Variants in NEK1 observed in about 807,000 individuals in gnomAD.
NEK1 encodes NIMA related kinase 1, also known as serine/threonine-protein kinase Nek1.
A neutral mutation model predicts 182.1 loss-of-function variants in NEK1; 137 were observed. That is an observed-to-expected ratio of 0.75 (90% CI 0.65 to 0.87). The LOEUF is 0.87. Ranked by LOEUF, NEK1 falls within the 40% of genes least tolerant of loss-of-function variation. The pLI, the probability that NEK1 is intolerant of heterozygous loss-of-function variation, is 0.00. For missense variants in NEK1, 1,391 were observed against 1,494.4 expected, an observed-to-expected ratio of 0.93 and a Z score of 1.14; for synonymous variants, 513 against 492.2, an observed-to-expected ratio of 1.04 and a Z score of -0.56.
At chr4:169,431,366 CATT>C in intron 29 of NEK1, among the ~76,000 whole-genome samples, 1 of 151,978 alleles carries the variant, frequency 6.6e-6, no homozygotes, top group East Asian at 1.9e-4. Context: ...AATGGAAACA[CATT>C]AGTAGGAAGA....
intron 27 of NEK1, among the ~76,000 whole-genome samples, chr4:169,455,359 G>A (rs1177269161): frequency 1.3e-5 from 2 of 150,648 alleles, no homozygotes; most frequent in Admixed American, 1.3e-4. Context: ...ATGAACAGTT[G>A]CCTACAAGAA....
At chr4:169,482,915 G>A (rs970982352) in intron 23 of NEK1, among the ~76,000 whole-genome samples, 19 of 152,254 alleles carry the variant, frequency 1.2e-4, no homozygotes, top group Middle Eastern at 3.4e-3. Context: ...GATTACAGGC[G>A]TGAGCCACTG....
intron 31 of NEK1, among the ~76,000 whole-genome samples, chr4:169,419,765 A>G (rs936324866): frequency 1.1e-4 from 17 of 152,314 alleles, no homozygotes; most frequent in Admixed American, 8.5e-4. Flanking sequence ...GGTACAGCCT[A>G]TTGTTCCTAG....
chr4:169,536,884 G>A (rs577896681), intron 19 of NEK1, among the ~76,000 whole-genome samples: 1 of 152,144 alleles, frequency 6.6e-6, no homozygotes, highest in East Asian at 1.9e-4. Context: ...GATTAATTCC[G>A]GATGTAGAAA....
At chr4:169,502,177 A>G (rs1752528106) in intron 23 of NEK1, among the ~76,000 whole-genome samples, 2 of 151,876 alleles carry the variant, frequency 1.3e-5, no homozygotes. Flanking sequence ...CAATCTCCCA[A>G]GATTGAACTA....
chr4:169,553,506 T>C lies in NEK1; in HGVS notation c.1562+2214A>G, dbSNP rs1478531956. ...CAATCCATGAAAGAAACAATTGATA[T>C]GCTGGACTTCATTACAACAAAAAAG... On this transcript the variant is annotated intron_variant, in intron 18 of 35. Transcript: ENST00000507142. Among the ~76,000 whole-genome samples, 10 of 152,132 alleles carry C rather than the reference T, an allele frequency of 6.6e-5. No homozygotes were observed. The South Asian group carries it at 1.0e-3, about 16-fold the overall frequency.
chr4:169,466,216 G>T lies in NEK1; in HGVS notation c.2435-2821C>A, dbSNP rs1031373780. 3.3e-5 allele frequency among the ~76,000 whole-genome samples: 5 copies of T among 151,988 alleles called. No homozygotes were observed. The East Asian group carries it at 9.7e-4, about 29-fold the overall frequency. ...ATAAATGAACCTGTCCATTGAACTC[G>T]TCCATTCATACTGAAGACAGAAAAA... On this transcript the variant is annotated intron_variant, in intron 26 of 35. Coordinates refer to ENST00000507142, the MANE Select transcript of NEK1 (RefSeq NM_001199397.3).
At chr4:169,411,578 G>A (rs555927324) in intron 31 of NEK1, among the ~76,000 whole-genome samples, 7 of 152,130 alleles carry the variant, frequency 4.6e-5, no homozygotes, top group South Asian at 2.1e-4. Context: ...CACCTGCCTC[G>A]GCCTCCCACA....
chr4:169,410,396 A>C (rs1038327322), intron 31 of NEK1, among the ~76,000 whole-genome samples: 1 of 152,190 alleles, frequency 6.6e-6, no homozygotes, highest in African/African-American at 2.4e-5. Context: ...CATTAACAGA[A>C]CTTCAACTAA....
chr4:169,504,879 G>A (rs1752977770), intron 23 of NEK1, among the ~76,000 whole-genome samples: 1 of 152,170 alleles, frequency 6.6e-6, no homozygotes, highest in East Asian at 1.9e-4. Context: ...AGTGTAACTC[G>A]ATTGTTTGAA....
chr4:169,458,754 G>A (rs542079074), intron 27 of NEK1, among the ~76,000 whole-genome samples: 1 of 151,390 alleles, frequency 6.6e-6, no homozygotes, highest in Non-Finnish European at 1.5e-5. Context: ...CCTGGGCCCA[G>A]GGAGGTTGAG....
chr4:169,510,053 C>T (rs1753930004), intron 19 of NEK1, among the ~76,000 whole-genome samples: 1 of 152,102 alleles, frequency 6.6e-6, no homozygotes, highest in African/African-American at 2.4e-5. Flanking sequence ...AAAAGTCTCT[C>T]TTCTCTTTCA....
At chr4:169,460,137 A>G (rs569068080) in intron 27 of NEK1, among the ~76,000 whole-genome samples, 8 of 152,206 alleles carry the variant, frequency 5.3e-5, no homozygotes, top group African/African-American at 1.9e-4. Flanking sequence ...GGGCATATAC[A>G]GGAACTCTGT....
At chr4:169,590,614 C>A (rs1768302590) in intron 6 of NEK1, 112 bp downstream of exon 6, 1 of 636,188 alleles carries the variant, frequency 1.6e-6, no homozygotes, top group African/African-American at 1.8e-5. Context: ...AAGGAAGAGA[C>A]AAGACAGATA....
intron 26 of NEK1, among the ~76,000 whole-genome samples, chr4:169,464,740 G>T (rs1744610300): frequency 6.6e-6 from 1 of 151,820 alleles, no homozygotes; most frequent in Non-Finnish European, 1.5e-5. Context: ...ATATTAAACA[G>T]AAAAAATAGA....
chr4:169,424,610 G>C lies in NEK1; in HGVS notation c.3165C>G (p.Asn1055Lys), dbSNP rs894574403. Residue 1055 changes from asparagine (N) to lysine (K), a missense_variant, in exon 31 of 36, where the codon AAC (asparagine) becomes AAG (lysine). This residue lies in a region of NEK1 where 1,216 missense variants were observed against 1,277.6 expected (regional missense o/e 0.95). Transcript: ENST00000507142. Reference protein sequence around the residue: ...SHSHLPPKNKNKNSLLIGLST... With the variant: ...SHSHLPPKNKKKNSLLIGLST... ...AAAGTCCAATCAGCAAGGAATTCTT[G>C]TTTTTATTTTTTGGTGGTAAATGCG... 2.5e-6 allele frequency: 4 copies of C among 1,612,694 alleles called. No individual in the cohort carries two copies. Among genetic ancestry groups the C allele is most frequent in the Middle Eastern group, 1.7e-4 (1 of 6,048 alleles).
chr4:169,457,700 G>T (rs1362789872), intron 27 of NEK1, among the ~76,000 whole-genome samples: 5 of 134,514 alleles, frequency 3.7e-5, no homozygotes, highest in African/African-American at 1.1e-4. Context: ...AAGAAGGGGG[G>T]AGGGGAGAAG....
chr4:169,580,108 G>A (rs974819379), intron 11 of NEK1, among the ~76,000 whole-genome samples: 2 of 151,874 alleles, frequency 1.3e-5, no homozygotes, highest in African/African-American at 2.4e-5. Flanking sequence ...AATACCACTG[G>A]TCACATTGTT....
chr4:169,465,823 G>C (rs928837075), intron 26 of NEK1, among the ~76,000 whole-genome samples: 6 of 152,028 alleles, frequency 3.9e-5, no homozygotes, highest in African/African-American at 1.2e-4. Flanking sequence ...AAGCTTAAAA[G>C]CAAGACTTGA....
Sources: gnomAD v4.1 joint callset for allele counts (sites outside exome capture counted in the v4.1 genomes callset) on GRCh38, gnomAD v4.1.1 for gene constraint, gnomAD v4.1.1 regional missense constraint, MANE v1.5 for transcripts, NCBI Gene and HGNC (gene_info 2026-07-23, HGNC 2026-07-21) for gene names.